Variants in ANO5 observed in about 807,000 individuals in gnomAD.
The protein encoded by ANO5 is anoctamin 5.
Under a neutral mutation model 121.0 loss-of-function variants are expected in ANO5, and 109 were observed. The ratio of observed to expected loss-of-function variants is 0.90; its 90% CI spans 0.77 to 1.06. ANO5 has a LOEUF of 1.06. Among genes scored for constraint, ANO5 ranks in the 50% least tolerant of loss-of-function variants. The pLI is 0.00. For missense variants in ANO5, 1,064 were observed against 1,078.5 expected (o/e 0.99, Z 0.19); for synonymous variants, 406 against 359.9 (o/e 1.13, Z -1.45).
chr11:22,218,919 A>T (rs1852550524), intron 4 of ANO5, among the ~76,000 whole-genome samples: 1 of 152,136 alleles, frequency 6.6e-6, no homozygotes, highest in South Asian at 2.1e-4. Context: ...GAAGCCACTC[A>T]GATGTTTACA....
chr11:22,249,283 G>A (rs1853721639), intron 9 of ANO5, among the ~76,000 whole-genome samples: 1 of 152,000 alleles, frequency 6.6e-6, no homozygotes, highest in African/African-American at 2.4e-5. Context: ...GAGAAAAAAT[G>A]TTTATAACCT....
At chr11:22,220,323 C>T (rs1852599176) in intron 4 of ANO5, among the ~76,000 whole-genome samples, 1 of 151,982 alleles carries the variant, frequency 6.6e-6, no homozygotes, top group Admixed American at 6.6e-5. Context: ...TAGATATAAA[C>T]TTTAAATAAA....
intron 4 of ANO5, 144 bp downstream of exon 4, chr11:22,218,431 T>A: frequency 9.5e-7 from 1 of 1,056,756 alleles, no homozygotes; most frequent in Non-Finnish European, 1.4e-6. Context: ...TTAAGAATAG[T>A]GATTCTTAAT....
At chr11:22,264,912 C>A (rs1477568346) in intron 17 of ANO5, among the ~76,000 whole-genome samples, 1 of 151,958 alleles carries the variant, frequency 6.6e-6, no homozygotes, top group East Asian at 1.9e-4. Context: ...AAATTCCTAC[C>A]TTGTACAGTG....
Position 22,250,938 on chromosome 11 carries a change from G to A in ANO5, c.1120-13G>A. ...AAATTATCTTTGTGATATTGTTATT[G>A]TTATTTTTACAGTTCTCCCATTTGT... On this transcript the variant is annotated splice_polypyrimidine_tract_variant and intron_variant, in intron 11 of 21. Transcript: ENST00000324559. 1 of 1,611,628 alleles carries A rather than the reference G, an allele frequency of 6.2e-7. No homozygotes were observed.
chr11:22,197,155 A>C (rs1851838092), intron 1 of ANO5, among the ~76,000 whole-genome samples: 1 of 152,204 alleles, frequency 6.6e-6, no homozygotes, highest in African/African-American at 2.4e-5. Context: ...TTTTAGACTT[A>C]ATAGATCTAA....
chr11:22,269,018 A>G (rs1404491881), intron 17 of ANO5, among the ~76,000 whole-genome samples: 2 of 151,858 alleles, frequency 1.3e-5, no homozygotes, highest in African/African-American at 4.8e-5. Context: ...AAGAAAGAAG[A>G]CAGACATAGA....
intron 5 of ANO5, among the ~76,000 whole-genome samples, chr11:22,223,777 C>G (rs993182932): frequency 2.6e-5 from 4 of 151,958 alleles, no homozygotes; most frequent in Admixed American, 6.6e-5. Flanking sequence ...TTTACTGGGC[C>G]ATTTTCTTCC....
Position 22,275,482 on chromosome 11 carries a change from T to C in ANO5, c.2415-612T>C, listed in dbSNP as rs188588115. ...TCATAGCCTAATGTGTTTAAGAGCA[T>C]GGCCACTGGTGTCAGATTTCTGGAT... On this transcript the variant is annotated intron_variant, in intron 20 of 21. Coordinates refer to ENST00000324559, the MANE Select transcript of ANO5 (RefSeq NM_213599.3). Among the ~76,000 whole-genome samples, 444 of 152,094 alleles carry C rather than the reference T, an allele frequency of 2.9e-3. 3 individuals carry two copies. Among genetic ancestry groups the C allele is most frequent in the African/African-American group, 0.01 (424 of 41,566 alleles).
intron 1 of ANO5, among the ~76,000 whole-genome samples, chr11:22,196,516 T>TTA (rs11449601): frequency 4.0e-5 from 6 of 151,760 alleles, no homozygotes; most frequent in Admixed American, 6.6e-5. Context: ...TTTTTTTTTT[T>TTA]AATGAACATT....
chr11:22,251,802 A>G (rs1853824341), intron 12 of ANO5, among the ~76,000 whole-genome samples: 1 of 151,668 alleles, frequency 6.6e-6, no homozygotes, highest in Non-Finnish European at 1.5e-5. Flanking sequence ...TGAGGTGGGC[A>G]GATCACGAGG....
In ANO5 at chr11:22,270,503, C is replaced by T. The variant is rs1854570420; in HGVS notation, c.2029+61C>T. On this transcript the variant is annotated intron_variant, in intron 18 of 21. Transcript: ENST00000324559. Reference sequence around the variant, plus strand: ...GCATGAATGAGTGGTTTTTCAGCTCCAGATACTTCTTTCTGCCTTGCACAT... The same window carrying T: ...GCATGAATGAGTGGTTTTTCAGCTCTAGATACTTCTTTCTGCCTTGCACAT... 3 of 1,600,846 alleles carry T rather than the reference C, an allele frequency of 1.9e-6. No homozygotes were observed. In the Middle Eastern group the frequency reaches 5.0e-4, roughly 266 times the overall value.
intron 2 of ANO5, among the ~76,000 whole-genome samples, chr11:22,205,995 C>T (rs1218036061): frequency 6.6e-6 from 1 of 152,112 alleles, no homozygotes; most frequent in African/African-American, 2.4e-5. Flanking sequence ...TGAAAGACCT[C>T]TTCAGGCTTA....
chr11:22,260,033 T>TAA (rs748579429), intron 15 of ANO5, among the ~76,000 whole-genome samples: 4 of 152,094 alleles, frequency 2.6e-5, no homozygotes, highest in Non-Finnish European at 5.9e-5. Context: ...AGTTGAATCC[T>TAA]AAGAAAAATA....
chr11:22,208,388 A>C (rs540433871), intron 2 of ANO5, among the ~76,000 whole-genome samples: 1 of 152,162 alleles, frequency 6.6e-6, no homozygotes. Context: ...ACTTGGATAG[A>C]TCTCCAGGAC....
chr11:22,257,808 C>A (rs1205001338), intron 14 of ANO5, 54 bp downstream of exon 14: 2 of 1,432,412 alleles, frequency 1.4e-6, no homozygotes, highest in Non-Finnish European at 2.0e-6. Flanking sequence ...ATTAAATGAG[C>A]TATCTCAACA....
chr11:22,216,167 A>G (rs1225803040), intron 3 of ANO5, among the ~76,000 whole-genome samples: 2 of 151,896 alleles, frequency 1.3e-5, no homozygotes, highest in South Asian at 4.1e-4. Context: ...AAGTGTTTTT[A>G]GAGATGTATG....
At chr11:22,275,144 C>T (rs893864503) in intron 20 of ANO5, among the ~76,000 whole-genome samples, 23 of 151,772 alleles carry the variant, frequency 1.5e-4, no homozygotes, top group Admixed American at 1.4e-3. Flanking sequence ...TATCTTTGTC[C>T]TCAGAAAAGA....
chr11:22,226,175 A>G, intron 6 of ANO5, 123 bp downstream of exon 6: 2 of 772,524 alleles, frequency 2.6e-6, no homozygotes, highest in Non-Finnish European at 4.5e-6. Flanking sequence ...GGCTACAGAT[A>G]TGTGCACCGG....
Sources: gnomAD v4.1 joint callset for allele counts (sites outside exome capture counted in the v4.1 genomes callset) on GRCh38, gnomAD v4.1.1 for gene constraint, MANE v1.5 for transcripts, NCBI Gene and HGNC (gene_info 2026-07-23, HGNC 2026-07-21) for gene names.